The following AFAP1 variants were observed in gnomAD, a reference collection of about 807,000 sequenced individuals.
AFAP1 encodes the protein actin filament associated protein 1.
A neutral mutation model predicts 93.9 loss-of-function variants in AFAP1; 75 were observed. The ratio of observed to expected loss-of-function variants is 0.80; its 90% CI spans 0.66 to 0.97. AFAP1 has a LOEUF of 0.97. AFAP1 is among the 50% of genes least tolerant of loss of function. The probability of loss-of-function intolerance (pLI) is 0.00; values close to 1 mark genes in which losing one functional copy is unlikely to be tolerated. For synonymous variants in AFAP1, 517 were observed against 430.7 expected, an observed-to-expected ratio of 1.20 and a Z score of -2.48; for missense variants, 1,201 against 1,050.8, an observed-to-expected ratio of 1.14 and a Z score of -1.98.
chr4:7,913,996 T>A (rs1166074610), intron 1 of AFAP1, among the ~76,000 whole-genome samples: 1 of 152,194 alleles, frequency 6.6e-6, no homozygotes, highest in Non-Finnish European at 1.5e-5. Flanking sequence ...CTCAAACATT[T>A]ATCATTTCTT....
At chr4:7,914,748 C>T (rs957704783) in intron 1 of AFAP1, among the ~76,000 whole-genome samples, 4 of 151,954 alleles carry the variant, frequency 2.6e-5, no homozygotes, top group African/African-American at 9.7e-5. Flanking sequence ...CACTAGCTTA[C>T]TCTTATTCTT....
intron 3 of AFAP1, among the ~76,000 whole-genome samples, chr4:7,866,701 CA>C (rs1716433785): frequency 6.6e-6 from 1 of 152,214 alleles, no homozygotes; most frequent in East Asian, 1.9e-4. Flanking sequence ...TTTAAAATAA[CA>C]ATGCTATATT....
chr4:7,800,490 A>G lies in AFAP1; in HGVS notation c.1218T>C (p.Pro406=), dbSNP rs139224960. Residue 406 remains proline, a synonymous_variant, in exon 10 of 18, where the codon CCT becomes CCC. Transcript: ENST00000420658. The part of the protein sequence containing the change: ...EVIPGLDSKH[P]LTFRLLRNGQ... ...CGTTGCGCAGCAGCCGGAACGTCAGAGGATGTTTAGAATCCAAACCCGGGA... is the reference window on the plus strand; with the variant it reads ...CGTTGCGCAGCAGCCGGAACGTCAGGGGATGTTTAGAATCCAAACCCGGGA... 39 of 1,614,246 alleles carry G rather than the reference A, an allele frequency of 2.4e-5. No individual in the cohort carries two copies. The African/African-American group carries it at 4.4e-4, about 18-fold the overall frequency.
intron 3 of AFAP1, among the ~76,000 whole-genome samples, chr4:7,867,139 A>C: frequency 4.0e-5 from 1 of 24,866 alleles, no homozygotes; most frequent in East Asian, 9.6e-4. Context: ...AGCGGAGGGG[A>C]GGGGAGGGGA....
intron 4 of AFAP1, among the ~76,000 whole-genome samples, chr4:7,854,023 C>T (rs1265982984): frequency 3.3e-5 from 5 of 152,200 alleles, no homozygotes; most frequent in Non-Finnish European, 7.3e-5. Flanking sequence ...CAAAATCAAA[C>T]AATCACTCTG....
At position 7,910,437 on chromosome 4, in the gene AFAP1, AC is replaced by A. The variant is rs1440465851; in HGVS notation, c.-3+29218del. On this transcript the variant is annotated intron_variant, in intron 1 of 17. Transcript: ENST00000420658. ...ATTCAAAATACATAGAAATAAAAAA[AC>A]ATTAAGGTGATATCAAGGAATTTAT... Among the ~76,000 whole-genome samples the A allele has an allele frequency of 3.3e-5, 5 of 152,346 alleles. No homozygotes were observed. The South Asian group carries it at 8.3e-4, about 25-fold the overall frequency.
At position 7,930,282 on chromosome 4, in the gene AFAP1, A is replaced by G. The variant is rs375576031; in HGVS notation, c.-3+9374T>C. 3.0e-4 allele frequency among the ~76,000 whole-genome samples: 46 copies of G among 152,306 alleles called. No individual in the cohort carries two copies. In the East Asian group the frequency reaches 7.9e-3, roughly 26 times the overall value. On this transcript the variant is annotated intron_variant, in intron 1 of 17. Coordinates refer to ENST00000420658, the MANE Select transcript of AFAP1 (RefSeq NM_001134647.2). ...AGTGCCACCTCCCCAGCACCAAATG[A>G]GTTCGCCAAACCAGAAGCTCTCCAA... is the stretch of plus-strand genomic sequence containing the variant.
intron 1 of AFAP1, among the ~76,000 whole-genome samples, chr4:7,882,821 T>C (rs554404898): frequency 1.4e-4 from 22 of 152,170 alleles, no homozygotes; most frequent in African/African-American, 5.3e-4. Context: ...ATAGAGCCAC[T>C]GCACTCCAGC....
At chr4:7,792,515 T>C (rs761747234) in intron 11 of AFAP1, among the ~76,000 whole-genome samples, 76 of 152,172 alleles carry the variant, frequency 5.0e-4, no homozygotes, top group Admixed American at 1.6e-3. Context: ...CTAGAGATGA[T>C]GGGTGTAGCT....
At chr4:7,862,900 A>C (rs1049966066) in intron 3 of AFAP1, among the ~76,000 whole-genome samples, 9 of 152,172 alleles carry the variant, frequency 5.9e-5, no homozygotes, top group Admixed American at 2.6e-4. Context: ...ATGCTGAAGA[A>C]GGGTGGGGGA....
At position 7,758,731 on chromosome 4, in the gene AFAP1, T is replaced by G. The variant is rs1468082517; in HGVS notation, c.*5034A>C. The G allele has an allele frequency of 2.6e-5, 4 of 152,202 alleles. No individual in the cohort carries two copies. The highest frequency in any genetic ancestry group is 5.9e-5 in the Non-Finnish European group (4 of 68,056). The allele number at this position is 152,202 out of a possible 1,614,324, so 9.4% of individuals were successfully genotyped here. A position where few individuals can be genotyped will look rare whatever the true frequency, so the allele number is the denominator to read the frequency against. ...ACCGGGGCTGGGGGAGAGAAGTTTA[T>G]TCATACACAAAGGGGCACGCCAAGG... On this transcript the variant is annotated 3_prime_UTR_variant, in exon 18 of 18. Coordinates refer to ENST00000420658, the MANE Select transcript of AFAP1 (RefSeq NM_001134647.2).
At chr4:7,871,917 T>A (rs2149183733) in intron 2 of AFAP1, 35 bp downstream of exon 2, 1 of 1,611,602 alleles carries the variant, frequency 6.2e-7, no homozygotes, top group African/African-American at 1.3e-5. Flanking sequence ...CAAGACACTG[T>A]AAGAAGGAAA....
chr4:7,854,039 A>G (rs1053058583), intron 4 of AFAP1, among the ~76,000 whole-genome samples: 2 of 152,220 alleles, frequency 1.3e-5, no homozygotes, highest in Admixed American at 1.3e-4. Flanking sequence ...CTCTGTTTCC[A>G]GCCTTGAAAG....
Position 7,926,589 on chromosome 4 carries a change from C to T in AFAP1, c.-3+13067G>A, listed in dbSNP as rs115284980. ...CAAATGGGGAGGCCAGGTTCCAGGA[C>T]GTGGACTATTTAGAGTGTAGTTTCT... On this transcript the variant is annotated intron_variant, in intron 1 of 17. Transcript: ENST00000420658. Among the ~76,000 whole-genome samples the T allele has an allele frequency of 3.8e-3, 581 of 152,256 alleles. 4 individuals are homozygous for T. Among genetic ancestry groups the T allele is most frequent in the African/African-American group, 0.013 (559 of 41,556 alleles).
chr4:7,864,083 C>T (rs372253705), intron 3 of AFAP1, among the ~76,000 whole-genome samples: 4 of 144,206 alleles, frequency 2.8e-5, no homozygotes, highest in East Asian at 2.2e-4. Flanking sequence ...TCCCAACTTC[C>T]CATCACAACC....
At chr4:7,794,485 T>G (rs1718196605) in intron 10 of AFAP1, among the ~76,000 whole-genome samples, 1 of 152,196 alleles carries the variant, frequency 6.6e-6, no homozygotes, top group South Asian at 2.1e-4. Flanking sequence ...AATATGTCTT[T>G]AAGATTATGT....
intron 8 of AFAP1, among the ~76,000 whole-genome samples, chr4:7,810,558 C>G (rs1195840877): frequency 6.6e-6 from 1 of 152,206 alleles, no homozygotes; most frequent in South Asian, 2.1e-4. Context: ...CTGTGAGACA[C>G]CTGACTCGGC....
chr4:7,809,510 C>G, intron 9 of AFAP1, 104 bp downstream of exon 9: 1 of 1,357,598 alleles, frequency 7.4e-7, no homozygotes, highest in Non-Finnish European at 1.0e-6. Context: ...TGCAAAAGAG[C>G]TCAAATTAAC....
At chr4:7,784,128 CCT>C (rs1717040921) in intron 12 of AFAP1, among the ~76,000 whole-genome samples, 1 of 152,118 alleles carries the variant, frequency 6.6e-6, no homozygotes. Context: ...CGCACAAGCC[CCT>C]ACCCAGGGGT....
Sources: gnomAD v4.1 joint callset for allele counts (sites outside exome capture counted in the v4.1 genomes callset) on GRCh38, gnomAD v4.1.1 for gene constraint, MANE v1.5 for transcripts, NCBI Gene and HGNC (gene_info 2026-07-23, HGNC 2026-07-21) for gene names.